Variants in GDAP1 observed in about 807,000 individuals in gnomAD.
GDAP1 encodes ganglioside induced differentiation associated protein 1, also known as ganglioside-induced differentiation-associated protein 1.
A neutral mutation model predicts 40.1 loss-of-function variants in GDAP1; 34 were observed. That is an observed-to-expected ratio of 0.85 (90% CI 0.64 to 1.13). The LOEUF is 1.13. Among genes scored for constraint, GDAP1 ranks in the 50% most tolerant of loss-of-function variants. The pLI is 0.00. For synonymous variants in GDAP1, 170 were observed against 157.4 expected, an observed-to-expected ratio of 1.08 and a Z score of -0.60; for missense variants, 374 against 433.7, an observed-to-expected ratio of 0.86 and a Z score of 1.22.
At chr8:74,449,433 C>T (rs1368477988) in intron 2 of GDAP1, among the ~76,000 whole-genome samples, 2 of 151,796 alleles carry the variant, frequency 1.3e-5, no homozygotes, top group African/African-American at 2.4e-5. Context: ...ACTATCTTAA[C>T]AATACTGACT....
At chr8:74,465,870 T>C (rs1253107925) in intron 2 of GDAP1, among the ~76,000 whole-genome samples, 2 of 152,196 alleles carry the variant, frequency 1.3e-5, no homozygotes, top group Non-Finnish European at 2.9e-5. Context: ...GTGTTATTTA[T>C]TAAATAGTTA....
At chr8:74,382,468 A>G (rs1053318894) in intron 2 of GDAP1, among the ~76,000 whole-genome samples, 1 of 150,656 alleles carries the variant, frequency 6.6e-6, no homozygotes, top group East Asian at 1.9e-4. Flanking sequence ...TCTATTCTCT[A>G]GCTAACTTAT....
At chr8:74,385,419 A>G (rs568698445) in intron 2 of GDAP1, among the ~76,000 whole-genome samples, 56 of 152,218 alleles carry the variant, frequency 3.7e-4, no homozygotes, top group African/African-American at 1.3e-3. Context: ...ATGAGTGAGA[A>G]CATACAGTGT....
At chr8:74,419,888 T>G (rs1805833942) in intron 2 of GDAP1, among the ~76,000 whole-genome samples, 1 of 152,210 alleles carries the variant, frequency 6.6e-6, no homozygotes, top group African/African-American at 2.4e-5. Flanking sequence ...ATATCCAGTT[T>G]CTCAGCACCA....
chr8:74,466,617 G>T (rs1287022076), intron 2 of GDAP1, among the ~76,000 whole-genome samples: 1 of 152,140 alleles, frequency 6.6e-6, no homozygotes, highest in Admixed American at 6.5e-5. Flanking sequence ...TGAATTTATT[G>T]GTTTGATAAC....
At chr8:74,378,209 C>G (rs1290695437) in intron 2 of GDAP1, among the ~76,000 whole-genome samples, 2 of 152,140 alleles carry the variant, frequency 1.3e-5, no homozygotes, top group African/African-American at 4.8e-5. Context: ...AGGCCACTCT[C>G]CTGGAATTTG....
chr8:74,387,404 T>A (rs1810041118), intron 2 of GDAP1, among the ~76,000 whole-genome samples: 1 of 152,232 alleles, frequency 6.6e-6, no homozygotes, highest in African/African-American at 2.4e-5. Flanking sequence ...GTGTTGAATT[T>A]TATCGAAGGC....
chr8:74,358,048 G>A (rs1161684513), intron 2 of GDAP1, among the ~76,000 whole-genome samples: 1 of 152,216 alleles, frequency 6.6e-6, no homozygotes, highest in Admixed American at 6.5e-5. Flanking sequence ...TGCTTGATGC[G>A]CACAAAGAAA....
chr8:74,431,543 T>G (rs1482563390), intron 2 of GDAP1, among the ~76,000 whole-genome samples: 16 of 152,044 alleles, frequency 1.1e-4, no homozygotes, highest in African/African-American at 3.6e-4. Context: ...GCACAGTGGC[T>G]GGATCTCCGC....
chr8:74,486,906 C>T (rs1806782772), intron 2 of GDAP1, among the ~76,000 whole-genome samples: 1 of 152,094 alleles, frequency 6.6e-6, no homozygotes, highest in Non-Finnish European at 1.5e-5. Flanking sequence ...CTTCAAACAG[C>T]CATACTAGAA....
intron 2 of GDAP1, among the ~76,000 whole-genome samples, chr8:74,446,309 G>GA (rs1165490088): frequency 7.9e-5 from 12 of 152,052 alleles, no homozygotes; most frequent in African/African-American, 2.7e-4. Context: ...TAAAGCAACA[G>GA]AAAAAATCCT....
chr8:74,400,748 G>A (rs1449530405), intron 2 of GDAP1, among the ~76,000 whole-genome samples: 2 of 149,334 alleles, frequency 1.3e-5, no homozygotes, highest in Admixed American at 1.3e-4. Context: ...GGCAGGCCTG[G>A]TGGTGACAAA....
At chr8:74,390,759 T>C (rs1810096470) in intron 2 of GDAP1, among the ~76,000 whole-genome samples, 1 of 152,196 alleles carries the variant, frequency 6.6e-6, no homozygotes, top group Admixed American at 6.5e-5. Context: ...CAGGAATGTT[T>C]AAGTCTGTGA....
Position 74,451,354 on chromosome 8 carries a change from G to A in GDAP1, c.166-37324G>A, listed in dbSNP as rs1358433959. Reference sequence around the variant, plus strand: ...AATCCCAGCTACTCAGGAGGCTGAGGCAGGAGAATCGCTTGAACCCAGGTG... The same window carrying A: ...AATCCCAGCTACTCAGGAGGCTGAGACAGGAGAATCGCTTGAACCCAGGTG... On this transcript the variant is annotated intron_variant, in intron 2 of 2. Coordinates refer to the GDAP1 transcript ENST00000523640. 9.9e-5 allele frequency among the ~76,000 whole-genome samples: 8 copies of A among 80,628 alleles called. 2 individuals are homozygous for A. The highest frequency in any genetic ancestry group is 2.0e-4 in the Non-Finnish European group (8 of 40,044). 52.9% of individuals were successfully genotyped at this position (80,628 alleles called of 152,430 possible).
intron 2 of GDAP1, among the ~76,000 whole-genome samples, chr8:74,418,447 GT>G (rs1209303128): frequency 6.6e-6 from 1 of 152,170 alleles, no homozygotes; most frequent in African/African-American, 2.4e-5. Flanking sequence ...ATATTATAAT[GT>G]TTTTGGCAAG....
chr8:74,369,217 T>C (rs973352574), downstream of GDAP1, among the ~76,000 whole-genome samples: 3 of 152,140 alleles, frequency 2.0e-5, no homozygotes, highest in African/African-American at 7.2e-5. Context: ...CTCCATAAGG[T>C]ATCACTAACA....
At chr8:74,390,356 A>G (rs1005735132) in intron 2 of GDAP1, among the ~76,000 whole-genome samples, 2 of 151,932 alleles carry the variant, frequency 1.3e-5, no homozygotes, top group Non-Finnish European at 2.9e-5. Flanking sequence ...TGGCCTTCGT[A>G]TGGGGTTTTT....
chr8:74,481,941 A>C (rs1806716533), intron 2 of GDAP1, among the ~76,000 whole-genome samples: 2 of 152,162 alleles, frequency 1.3e-5, no homozygotes, highest in Non-Finnish European at 2.9e-5. Context: ...GGGGATATAG[A>C]CATGGGAGTT....
chr8:74,445,856 A>G lies in GDAP1; in HGVS notation c.166-42822A>G, dbSNP rs149874541. Among the ~76,000 whole-genome samples, 14 of 152,332 alleles carry G rather than the reference A, an allele frequency of 9.2e-5. No individual in the cohort carries two copies. In the East Asian group the frequency reaches 2.7e-3, roughly 29 times the overall value. On this transcript the variant is annotated intron_variant, in intron 2 of 2. Coordinates refer to the GDAP1 transcript ENST00000523640. Reference sequence around the variant, plus strand: ...TTGAGAAGACATCAAATCAGACGCAATCATGAATCAAAGATGGTATTGAGC... The same window carrying G: ...TTGAGAAGACATCAAATCAGACGCAGTCATGAATCAAAGATGGTATTGAGC...
Sources: allele counts gnomAD v4.1 joint callset (sites outside exome capture counted in the v4.1 genomes callset), GRCh38; gene constraint gnomAD v4.1.1; transcripts MANE v1.5; gene names NCBI Gene and HGNC (gene_info 2026-07-23, HGNC 2026-07-21).